Variants in DST observed in about 807,000 individuals in gnomAD.
DST encodes the protein dystonin.
Under a neutral mutation model 875.2 loss-of-function variants are expected in DST, and 253 were observed. The ratio of observed to expected loss-of-function variants is 0.29; its 90% CI spans 0.26 to 0.32. The LOEUF (loss-of-function observed/expected upper bound fraction) is 0.32, where lower values mean the gene tolerates loss of function less well. Ranked by LOEUF, DST falls within the 10% of genes least tolerant of loss-of-function variation. The pLI, the probability that DST is intolerant of heterozygous loss-of-function variation, is 1.00. For missense variants in DST, 8,287 were observed against 9,111.6 expected (o/e 0.91, Z 3.68); for synonymous variants, 3,124 against 3,197.1 (o/e 0.98, Z 0.77).
At chr6:56,933,729 T>A (rs1479359787) in intron 2 of DST, among the ~76,000 whole-genome samples, 1 of 152,080 alleles carries the variant, frequency 6.6e-6, no homozygotes, top group Non-Finnish European at 1.5e-5. Context: ...AGCAGCTGGG[T>A]CTTGTTTGAG....
chr6:56,582,079 T>C (rs2098013678), intron 49 of DST, among the ~76,000 whole-genome samples: 1 of 152,180 alleles, frequency 6.6e-6, no homozygotes, highest in Admixed American at 6.5e-5. Flanking sequence ...TCCAGGATAA[T>C]CTCTCTCTTG....
chr6:56,791,159 A>T (rs2099722043), intron 4 of DST, among the ~76,000 whole-genome samples: 1 of 152,202 alleles, frequency 6.6e-6, no homozygotes, highest in Non-Finnish European at 1.5e-5. Context: ...AGTAGCCTGA[A>T]TTAATCTCTG....
At chr6:56,865,425 A>G (rs13214893) in intron 3 of DST, among the ~76,000 whole-genome samples, 18,299 of 151,998 alleles carry the variant, frequency 0.12, 1,554 homozygotes, top group Non-Finnish European at 0.18. Flanking sequence ...GGCAACCTTG[A>G]CCTTCCAGGC....
At chr6:56,627,113 A>T in intron 34 of DST, 91 bp downstream of exon 34, 1 of 977,588 alleles carries the variant, frequency 1.0e-6, no homozygotes, top group Non-Finnish European at 1.6e-6. Context: ...TCTTTTAAAC[A>T]CTGAGTGAAA....
intron 80 of DST, among the ~76,000 whole-genome samples, chr6:56,500,153 TA>T (rs2096072458): frequency 6.6e-6 from 1 of 152,126 alleles, no homozygotes; most frequent in African/African-American, 2.4e-5. Context: ...CCTACCTTTT[TA>T]AAAAATGTGA....
In DST at chr6:56,619,253, T is replaced by C. The variant is rs2152736521; in HGVS notation, c.4930-4769A>G. Reference sequence around the variant, plus strand: ...TAAAACTATATTCTCTGATTCTGCCTGAATTCTCTGCATCATTAATTTGGT... The same window carrying C: ...TAAAACTATATTCTCTGATTCTGCCCGAATTCTCTGCATCATTAATTTGGT... On this transcript the variant is annotated intron_variant, in intron 36 of 103. Coordinates refer to ENST00000680361, the MANE Select transcript of DST (RefSeq NM_001374736.1). 1 of 1,612,942 alleles carries C rather than the reference T, an allele frequency of 6.2e-7. No individual in the cohort carries two copies. Among genetic ancestry groups the C allele is most frequent in the Non-Finnish European group, 8.5e-7 (1 of 1,179,836 alleles).
chr6:56,515,310 G>A (rs935787346), intron 72 of DST, 140 bp downstream of exon 72: 2 of 909,688 alleles, frequency 2.2e-6, no homozygotes, highest in Non-Finnish European at 3.3e-6. Flanking sequence ...CAATTATGAG[G>A]TAAGCAAATT....
At chr6:56,854,109 A>G (rs1467919132) in intron 3 of DST, among the ~76,000 whole-genome samples, 2 of 152,222 alleles carry the variant, frequency 1.3e-5, no homozygotes, top group Non-Finnish European at 2.9e-5. Context: ...GAAAATTGGA[A>G]ACAGATTTAA....
At chr6:56,594,801 A>G (rs2098342323) in intron 47 of DST, among the ~76,000 whole-genome samples, 1 of 152,222 alleles carries the variant, frequency 6.6e-6, no homozygotes, top group Non-Finnish European at 1.5e-5. Flanking sequence ...GTGAAAATGG[A>G]GACAATAACT....
chr6:56,722,330 A>G (rs1393537891), intron 5 of DST, among the ~76,000 whole-genome samples: 2 of 152,036 alleles, frequency 1.3e-5, no homozygotes, highest in Non-Finnish European at 2.9e-5. Context: ...AAGTAACATT[A>G]CCTTGTTCTT....
At chr6:56,542,507 T>G (rs1051481469) in intron 61 of DST, 6 of 148,506 alleles carry the variant, frequency 4.0e-5, no homozygotes, top group Admixed American at 2.7e-4. Context: ...TTATTCCACC[T>G]GAGGCAATTG....
At position 56,636,492 on chromosome 6, in the gene DST, A is replaced by C. The variant is rs887531144; in HGVS notation, c.3060+65T>G. 3.9e-6 allele frequency: 5 copies of C among 1,265,952 alleles called. No homozygotes were observed. In the African/African-American group the frequency reaches 7.3e-5, roughly 19 times the overall value. 78.4% of individuals were successfully genotyped at this position (1,265,952 alleles called of 1,614,324 possible). On this transcript the variant is annotated intron_variant, in intron 23 of 103. Transcript: ENST00000680361. ...GTTATCCTAACAATAAATTATGAAA[A>C]AGATTCCTGCAAGTTAGCCAAAATC...
At chr6:56,655,660 C>A (rs1392492535) in intron 10 of DST, among the ~76,000 whole-genome samples, 3 of 152,060 alleles carry the variant, frequency 2.0e-5, no homozygotes, top group Non-Finnish European at 4.4e-5. Flanking sequence ...AAGCCCATTT[C>A]CCAGTACAAA....
chr6:56,782,365 G>C (rs1035729005), intron 4 of DST, among the ~76,000 whole-genome samples: 2,736 of 152,152 alleles, frequency 0.018, 65 homozygotes, highest in African/African-American at 0.062. Context: ...GACTCTTTTT[G>C]GTTGGTAAGC....
chr6:56,463,827 G>T, intron 100 of DST, 63 bp from the exon 101 acceptor site: 2 of 1,551,874 alleles, frequency 1.3e-6, no homozygotes, highest in Non-Finnish European at 8.9e-7. Context: ...GCGCTCAATC[G>T]TTAATGGGAA....
chr6:56,460,089 A>G lies in DST; in HGVS notation c.23194+42T>C, dbSNP rs367673853. On this transcript the variant is annotated intron_variant, in intron 103 of 103. Transcript: ENST00000680361. ...AAGGGACTTTAATCCTCAGATGACC[A>G]TGCTGCAAAAGCCATTGAAAAAAGA... 41 of 1,572,320 alleles carry G rather than the reference A, an allele frequency of 2.6e-5. No individual in the cohort carries two copies. The African/African-American group carries it at 3.4e-4, about 13-fold the overall frequency.
rs112560519 is a variant in DST at position 56,761,704 on chromosome 6, TA to T, written c.626-26416del. ...TCTTAACCCCAGGTTAGGAACCTAT[TA>T]AAAAAAAAAAATAAGCTTGACTTCT... On this transcript the variant is annotated intron_variant, in intron 4 of 103. Transcript: ENST00000680361. Among the ~76,000 whole-genome samples the T allele has an allele frequency of 9.9e-3, 1,438 of 145,518 alleles. 28 individuals are homozygous for T. Among genetic ancestry groups the T allele is most frequent in the African/African-American group, 0.034 (1,346 of 39,958 alleles).
At chr6:56,770,003 T>C (rs571046486) in intron 4 of DST, among the ~76,000 whole-genome samples, 1 of 152,258 alleles carries the variant, frequency 6.6e-6, no homozygotes, top group Admixed American at 6.5e-5. Flanking sequence ...ACATCAAAAT[T>C]TTGGCTAAAG....
intron 4 of DST, among the ~76,000 whole-genome samples, chr6:56,761,720 G>A (rs1478593573): frequency 2.6e-5 from 4 of 151,446 alleles, no homozygotes; most frequent in African/African-American, 4.9e-5. Flanking sequence ...AAAAAAATAA[G>A]CTTGACTTCT....
Sources: gnomAD v4.1 joint callset for allele counts (sites outside exome capture counted in the v4.1 genomes callset) on GRCh38, gnomAD v4.1.1 for gene constraint, MANE v1.5 for transcripts, NCBI Gene and HGNC (gene_info 2026-07-23, HGNC 2026-07-21) for gene names.